The following ZNF793 variants were observed in gnomAD, a reference collection of about 807,000 sequenced individuals.
The protein encoded by ZNF793 is zinc finger protein 793.
Under a neutral mutation model 12.4 loss-of-function variants are expected in ZNF793, and 5 were observed. The ratio of observed to expected loss-of-function variants is 0.40; its 90% CI spans 0.21 to 0.84. The LOEUF is 0.84. ZNF793 is among the 40% of genes least tolerant of loss of function. ZNF793 has a pLI of 0.35. For missense variants in ZNF793, 456 were observed against 495.0 expected (o/e 0.92, Z 0.75); for synonymous variants, 162 against 172.4 (o/e 0.94, Z 0.47).
intron 5 of ZNF793, among the ~76,000 whole-genome samples, chr19:37,528,052 C>A (rs1717545192): frequency 6.6e-6 from 1 of 152,068 alleles, no homozygotes; most frequent in South Asian, 2.1e-4. Flanking sequence ...TCGCTTGAGC[C>A]CAGGAGACGG....
intron 2 of ZNF793, among the ~76,000 whole-genome samples, chr19:37,516,273 T>A (rs931030249): frequency 6.6e-6 from 1 of 152,140 alleles, no homozygotes; most frequent in African/African-American, 2.4e-5. Context: ...TAGCTGGGAT[T>A]ACAGGCATGT....
intron 2 of ZNF793, among the ~76,000 whole-genome samples, chr19:37,511,804 G>C (rs1257454808): frequency 6.6e-6 from 1 of 152,214 alleles, no homozygotes; most frequent in African/African-American, 2.4e-5. Flanking sequence ...TGGGTTTCTA[G>C]TAGGGTCCCA....
chr19:37,525,239 C>T (rs1009515516), intron 5 of ZNF793, among the ~76,000 whole-genome samples: 7 of 151,068 alleles, frequency 4.6e-5, no homozygotes, highest in Non-Finnish European at 7.4e-5. Context: ...TCCGGGTTCA[C>T]GCCATTCTCC....
At chr19:37,514,235 G>A (rs2042313712) in intron 2 of ZNF793, among the ~76,000 whole-genome samples, 2 of 152,094 alleles carry the variant, frequency 1.3e-5, no homozygotes, top group East Asian at 1.9e-4. Context: ...AGCTATGAAC[G>A]ATTAAAATAC....
intron 2 of ZNF793, among the ~76,000 whole-genome samples, chr19:37,519,434 A>G (rs1168188425): frequency 1.3e-5 from 2 of 152,236 alleles, no homozygotes; most frequent in African/African-American, 2.4e-5. Flanking sequence ...TACCAGAAGC[A>G]GAAACTATAA....
At chr19:37,530,038 A>G (rs1454822525) in intron 5 of ZNF793, among the ~76,000 whole-genome samples, 1 of 151,796 alleles carries the variant, frequency 6.6e-6, no homozygotes. Context: ...ATAATAGTGG[A>G]GAGAAGGTCA....
chr19:37,533,020 G>A (rs929963636), intron 6 of ZNF793, among the ~76,000 whole-genome samples: 2 of 152,154 alleles, frequency 1.3e-5, no homozygotes, highest in Non-Finnish European at 2.9e-5. Context: ...GAGGTACAGA[G>A]AGGTGAAGTA....
intron 2 of ZNF793, among the ~76,000 whole-genome samples, chr19:37,518,250 C>A (rs576434082): frequency 6.6e-6 from 1 of 152,000 alleles, no homozygotes; most frequent in Non-Finnish European, 1.5e-5. Flanking sequence ...CTCAGCCTCC[C>A]GAGTAGCTGG....
intron 2 of ZNF793, among the ~76,000 whole-genome samples, chr19:37,511,002 A>G (rs2042290774): frequency 6.6e-6 from 1 of 151,950 alleles, no homozygotes; most frequent in Non-Finnish European, 1.5e-5. Flanking sequence ...CGGCCAAAAA[A>G]TTCTTTAAAA....
chr19:37,512,644 G>A (rs772839724), intron 2 of ZNF793, among the ~76,000 whole-genome samples: 3 of 152,104 alleles, frequency 2.0e-5, no homozygotes, highest in Admixed American at 1.3e-4. Context: ...TCTGTAAGTT[G>A]TGAACATGAT....
At chr19:37,527,666 T>G (rs1159534833) in intron 5 of ZNF793, among the ~76,000 whole-genome samples, 1 of 152,166 alleles carries the variant, frequency 6.6e-6, no homozygotes, top group Admixed American at 6.5e-5. Context: ...TCACATATAG[T>G]TAGGGAGCAG....
chr19:37,523,530 A>AC, intron 5 of ZNF793, 76 bp downstream of exon 5: 1 of 1,404,886 alleles, frequency 7.1e-7, no homozygotes, highest in Non-Finnish European at 1.0e-6. Context: ...TGTGCATTGT[A>AC]AGTATGTACA....
rs1322756327 is a variant in ZNF793, at chr19:37,541,161, G to C, written c.*3282G>C. ...AAAGGTGAAATCTGAAACCACAGGG[G>C]AAAAGAGTAGTTTACTTAAAAAGAA... On this transcript the variant is annotated 3_prime_UTR_variant, in exon 8 of 8. Coordinates refer to ENST00000627814, the MANE Select transcript of ZNF793 (RefSeq NM_001013659.3). 6.8e-6 allele frequency: 1 copy of C among 146,180 alleles called. No individual in the cohort carries two copies. The highest frequency in any genetic ancestry group is 2.0e-4 in the East Asian group (1 of 4,966). The allele number at this position is 146,180 out of a possible 1,614,324, so 9.1% of individuals were successfully genotyped here.
chr19:37,537,968 G>C lies in ZNF793; in HGVS notation c.*89G>C. The stretch of plus-strand genomic sequence containing the variant: ...ACTTTGTCACCCAGGCTGGAGTGCA[G>C]TGGCGCGATCTCGGCTTACTGCAAG... On this transcript the variant is annotated 3_prime_UTR_variant, in exon 8 of 8. Coordinates refer to ENST00000627814, the MANE Select transcript of ZNF793 (RefSeq NM_001013659.3). The C allele has an allele frequency of 7.1e-7, 1 of 1,400,400 alleles. No individual in the cohort carries two copies. The highest frequency in any genetic ancestry group is 1.5e-5 in the South Asian group (1 of 64,866). 86.7% of individuals were successfully genotyped at this position (1,400,400 alleles called of 1,614,324 possible). A position where few individuals can be genotyped will look rare whatever the true frequency, so the allele number is the denominator to read the frequency against.
At chr19:37,530,693 G>A (rs1025564863) in intron 5 of ZNF793, among the ~76,000 whole-genome samples, 1 of 152,170 alleles carries the variant, frequency 6.6e-6, no homozygotes, top group Non-Finnish European at 1.5e-5. Flanking sequence ...TCTTAGTACA[G>A]AACGAAATGG....
At chr19:37,535,249 C>T (rs1434065944) in intron 7 of ZNF793, 1 of 152,262 alleles carries the variant, frequency 6.6e-6, no homozygotes, top group Non-Finnish European at 1.5e-5. Context: ...GCCTTAGCCT[C>T]CCAAAGTGCT....
At chr19:37,517,991 T>G (rs1369332151) in intron 2 of ZNF793, among the ~76,000 whole-genome samples, 1 of 152,218 alleles carries the variant, frequency 6.6e-6, no homozygotes, top group Non-Finnish European at 1.5e-5. Flanking sequence ...AATGTTAATA[T>G]TTTCATAGAT....
At chr19:37,527,276 A>T (rs2042423434) in intron 5 of ZNF793, among the ~76,000 whole-genome samples, 1 of 149,440 alleles carries the variant, frequency 6.7e-6, no homozygotes, top group Non-Finnish European at 1.5e-5. Context: ...CTGGTCTTGA[A>T]CTCCTGACCT....
intron 2 of ZNF793, among the ~76,000 whole-genome samples, chr19:37,519,130 G>C (rs2147073280): frequency 6.6e-6 from 1 of 152,234 alleles, no homozygotes; most frequent in African/African-American, 2.4e-5. Context: ...AGCCGGCGTG[G>C]TGGCAGGTGC....
Sources: gnomAD v4.1 joint callset for allele counts (sites outside exome capture counted in the v4.1 genomes callset) on GRCh38, gnomAD v4.1.1 for gene constraint, MANE v1.5 for transcripts, NCBI Gene and HGNC (gene_info 2026-07-23, HGNC 2026-07-21) for gene names.